TTC1: variants seen among roughly 807,000 people sequenced by gnomAD.
TTC1 encodes tetratricopeptide repeat domain 1, also known as tetratricopeptide repeat protein 1.
In TTC1, 31 loss-of-function variants were observed where a neutral mutation model predicts 37.6. The ratio of observed to expected loss-of-function variants is 0.82; its 90% CI spans 0.62 to 1.11. The LOEUF is 1.11. TTC1 is among the 50% of genes most tolerant of loss of function. TTC1 has a pLI of 0.00. For missense variants in TTC1, 351 were observed against 339.0 expected, an observed-to-expected ratio of 1.04 and a Z score of -0.28; for synonymous variants, 127 against 122.4, an observed-to-expected ratio of 1.04 and a Z score of -0.25.
chr5:160,054,847 G>C (rs1317962137), intron 7 of TTC1, among the ~76,000 whole-genome samples: 1 of 151,992 alleles, frequency 6.6e-6, no homozygotes, highest in Non-Finnish European at 1.5e-5. Flanking sequence ...GTAAATTTTT[G>C]CTCACATAGG....
At chr5:160,025,242 G>A (rs1392603985) in intron 2 of TTC1, among the ~76,000 whole-genome samples, 1 of 152,172 alleles carries the variant, frequency 6.6e-6, no homozygotes, top group African/African-American at 2.4e-5. Context: ...TGGCCAGGCT[G>A]GTCTCGAACT....
intron 2 of TTC1, chr5:160,023,834 G>A (rs761164717): frequency 7.4e-6 from 12 of 1,613,568 alleles, no homozygotes; most frequent in African/African-American, 2.7e-5. Context: ...TGAGCTGTCA[G>A]AGTCAGATGA....
chr5:160,024,984 G>A (rs1756775665), intron 2 of TTC1, among the ~76,000 whole-genome samples: 1 of 152,108 alleles, frequency 6.6e-6, no homozygotes, highest in African/African-American at 2.4e-5. Flanking sequence ...CTGCAGGCAT[G>A]AGCCATCATG....
chr5:160,030,376 G>C (rs41497853), intron 2 of TTC1, among the ~76,000 whole-genome samples: 3,004 of 152,258 alleles, frequency 0.02, 157 homozygotes, highest in South Asian at 0.17. Context: ...GCTTGAGTAG[G>C]TTGGAATAGA....
chr5:160,040,902 G>T (rs1170532589), intron 4 of TTC1, among the ~76,000 whole-genome samples: 23 of 151,484 alleles, frequency 1.5e-4, no homozygotes. Context: ...GAGCTACTGT[G>T]CCCAGCTATA....
At position 160,013,525 on chromosome 5, in the gene TTC1, A is replaced by T. The variant is rs533014799; in HGVS notation, c.330+2667A>T. Among the ~76,000 whole-genome samples the T allele has an allele frequency of 4.1e-4, 63 of 152,066 alleles. No individual in the cohort carries two copies. The East Asian group carries it at 0.011, about 28-fold the overall frequency. On this transcript the variant is annotated intron_variant, in intron 2 of 7. Transcript: ENST00000231238. ...TTTGGGAGGCTGAGGCGGGCGGATC[A>T]TGAGGTCAGGAATTCGAGACCAGCC...
chr5:160,046,070 T>C lies in TTC1; in HGVS notation c.541+2901T>C, dbSNP rs375490087. On this transcript the variant is annotated intron_variant, in intron 5 of 7. Transcript: ENST00000231238. ...ATTAGGGTTCTTTCAGAAAACCTTC[T>C]CCTGACCCAATATTCTCCTTCAATT... 3.3e-4 allele frequency among the ~76,000 whole-genome samples: 51 copies of C among 152,304 alleles called. No individual in the cohort carries two copies. In the South Asian group the frequency reaches 0.01, roughly 31 times the overall value.
Position 160,019,292 on chromosome 5 carries a change from T to C in TTC1, c.330+8434T>C, listed in dbSNP as rs139639714. On this transcript the variant is annotated intron_variant, in intron 2 of 7. Transcript: ENST00000231238. ...AGGTCATTTTCTCTTTAGGAACCATTATCAAAGCTTAGAAGTTTCAGTTTA... is the reference window on the plus strand; with the variant it reads ...AGGTCATTTTCTCTTTAGGAACCATCATCAAAGCTTAGAAGTTTCAGTTTA... 3.9e-3 allele frequency among the ~76,000 whole-genome samples: 588 copies of C among 152,314 alleles called. 3 individuals carry two copies. Among genetic ancestry groups the C allele is most frequent in the African/African-American group, 0.013 (543 of 41,568 alleles).
chr5:160,014,021 A>T (rs1429055704), intron 2 of TTC1, among the ~76,000 whole-genome samples: 1 of 152,152 alleles, frequency 6.6e-6, no homozygotes, highest in Non-Finnish European at 1.5e-5. Flanking sequence ...AGCACTTGAA[A>T]TGTGGCTATT....
At chr5:160,051,211 C>G in intron 7 of TTC1, 28 bp downstream of exon 7, 1 of 1,586,190 alleles carries the variant, frequency 6.3e-7, no homozygotes, top group Non-Finnish European at 8.6e-7. Flanking sequence ...TTTGCTTGAT[C>G]ATAAACAGCT....
chr5:160,033,368 ACCTTT>A (rs2113366562), intron 2 of TTC1, among the ~76,000 whole-genome samples: 1 of 152,280 alleles, frequency 6.6e-6, no homozygotes, highest in African/African-American at 2.4e-5. Flanking sequence ...CTCTATACTT[ACCTTT>A]TAGTTTCCTC....
intron 5 of TTC1, among the ~76,000 whole-genome samples, chr5:160,048,126 CTTTT>C (rs56201199): frequency 8.4e-5 from 3 of 35,570 alleles, no homozygotes; most frequent in African/African-American, 2.4e-4. Context: ...CAAGACATTG[CTTTT>C]TTTTTTTTTT....
At chr5:160,035,090 C>T (rs1756979273) in intron 2 of TTC1, 50 bp from the exon 3 acceptor site, 2 of 1,484,348 alleles carry the variant, frequency 1.3e-6, no homozygotes, top group South Asian at 1.4e-5. Flanking sequence ...CCTTTTTGTT[C>T]ACTTATAATA....
chr5:160,035,095 A>T, intron 2 of TTC1, 45 bp from the exon 3 acceptor site: 1 of 1,524,590 alleles, frequency 6.6e-7, no homozygotes, highest in South Asian at 1.3e-5. Flanking sequence ...TTGTTCACTT[A>T]TAATAATATT....
intron 2 of TTC1, among the ~76,000 whole-genome samples, chr5:160,011,571 G>C (rs931771425): frequency 6.6e-6 from 1 of 152,228 alleles, no homozygotes; most frequent in Non-Finnish European, 1.5e-5. Context: ...TCCAAAGCTA[G>C]AGTATAATGT....
Position 160,057,851 on chromosome 5 carries a change from C to T in TTC1, c.745+6668C>T, listed in dbSNP as rs1318679174. On this transcript the variant is annotated intron_variant, in intron 7 of 7. Coordinates refer to ENST00000231238, the MANE Select transcript of TTC1 (RefSeq NM_003314.3). The surrounding 1 kb of genome is among the most constrained non-coding windows in gnomAD (Gnocchi z 4.4). ...TGGCACAATCTTGGCTCACTGCAACCCCGCCTCCTGGGTTCAAACAATTCT... is the reference window on the plus strand; with the variant it reads ...TGGCACAATCTTGGCTCACTGCAACTCCGCCTCCTGGGTTCAAACAATTCT... 6.6e-6 allele frequency among the ~76,000 whole-genome samples: 1 copy of T among 152,096 alleles called. No individual in the cohort carries two copies. The highest frequency in any genetic ancestry group is 2.4e-5 in the African/African-American group (1 of 41,410).
intron 2 of TTC1, among the ~76,000 whole-genome samples, chr5:160,028,451 A>T (rs1756848227): frequency 6.6e-6 from 1 of 151,618 alleles, no homozygotes; most frequent in South Asian, 2.1e-4. Context: ...TGGCTTGGAT[A>T]ATTTCTTTCG....
At chr5:160,058,028 A>G (rs1757589991) in intron 7 of TTC1, among the ~76,000 whole-genome samples, 1 of 152,164 alleles carries the variant, frequency 6.6e-6, no homozygotes, top group African/African-American at 2.4e-5. Flanking sequence ...CAGCCTCCCA[A>G]AGTGCTGGGA....
At chr5:160,022,420 G>GT (rs548326425) in intron 2 of TTC1, among the ~76,000 whole-genome samples, 2 of 152,034 alleles carry the variant, frequency 1.3e-5, no homozygotes, top group Admixed American at 1.3e-4. Context: ...TTGGAGGGTG[G>GT]TTTTTTTGTT....
Sources: allele counts gnomAD v4.1 joint callset (sites outside exome capture counted in the v4.1 genomes callset), GRCh38; gene constraint gnomAD v4.1.1; non-coding constraint Gnocchi (gnomAD v3.1); transcripts MANE v1.5; gene names NCBI Gene and HGNC (gene_info 2026-07-23, HGNC 2026-07-21).